Variants in PCDHGB4 observed in about 807,000 individuals in gnomAD.
PCDHGB4 encodes the protein protocadherin gamma subfamily B, 4.
In PCDHGB4, 38 loss-of-function variants were observed where a neutral mutation model predicts 60.5. The observed-to-expected ratio is 0.63, with a 90% CI of 0.48 to 0.82. The LOEUF (loss-of-function observed/expected upper bound fraction) is 0.82, where lower values mean the gene tolerates loss of function less well. Ranked by LOEUF, PCDHGB4 falls within the 40% of genes least tolerant of loss-of-function variation. The pLI is 0.00. For missense variants in PCDHGB4, 1,109 were observed against 1,209.6 expected (o/e 0.92, Z 1.23); for synonymous variants, 456 against 509.7 (o/e 0.89, Z 1.42).
intron 1 of PCDHGB4, chr5:141,478,676 G>A (rs540780497): frequency 6.4e-7 from 1 of 1,551,522 alleles, no homozygotes; most frequent in African/African-American, 1.4e-5. Flanking sequence ...CTTTCAACTG[G>A]CCCTTCCTAG....
chr5:141,485,805 T>C lies in PCDHGB4; in HGVS notation c.2398-9002T>C, dbSNP rs753916789. ...GAGAAGCAATCGGACTACCGCCTGG[T>C]GCTGACTGCTGTCGATGGAGGGAAC... On this transcript the variant is annotated intron_variant, in intron 1 of 3. Coordinates refer to ENST00000519479, the MANE Select transcript of PCDHGB4 (RefSeq NM_003736.4). The surrounding 1 kb of genome is among the most constrained non-coding windows in gnomAD (Gnocchi z 5.7). 1.2e-6 allele frequency: 2 copies of C among 1,614,198 alleles called. No individual in the cohort carries two copies. The highest frequency in any genetic ancestry group is 1.7e-6 in the Non-Finnish European group (2 of 1,180,026).
intron 1 of PCDHGB4, chr5:141,392,784 A>G: frequency 6.5e-7 from 1 of 1,546,632 alleles, no homozygotes. Context: ...CACAGTGAAG[A>G]TTCTGAGAGG....
chr5:141,496,621 C>A (rs1297797187), intron 2 of PCDHGB4, among the ~76,000 whole-genome samples: 1 of 152,214 alleles, frequency 6.6e-6, no homozygotes. Context: ...AGCAGCAGAT[C>A]AAAAGGCTTG....
Position 141,421,937 on chromosome 5 carries a change from A to G in PCDHGB4, c.2397+31656A>G, listed in dbSNP as rs375878901. The G allele has an allele frequency of 1.5e-5, 25 of 1,613,402 alleles. No homozygotes were observed. In the African/African-American group the frequency reaches 1.6e-4, roughly 10 times the overall value. ...ATTCGTGTGGTGGTCCTCGATGTAA[A>G]TGATCACATCCCAATGTTTACACAG... On this transcript the variant is annotated intron_variant, in intron 1 of 3. Coordinates refer to ENST00000519479, the MANE Select transcript of PCDHGB4 (RefSeq NM_003736.4).
intron 1 of PCDHGB4, chr5:141,418,077 T>C (rs770464447): frequency 6.8e-6 from 11 of 1,613,914 alleles, no homozygotes; most frequent in Non-Finnish European, 8.5e-6. Flanking sequence ...GCGGAGAAGC[T>C]GCACTTCAGC....
intron 1 of PCDHGB4, among the ~76,000 whole-genome samples, chr5:141,463,545 T>C (rs1433047951): frequency 6.8e-6 from 1 of 146,704 alleles, no homozygotes; most frequent in East Asian, 2.1e-4. Flanking sequence ...GGCTCCCGGG[T>C]TCATGCCATT....
intron 1 of PCDHGB4, chr5:141,403,027 G>C: frequency 1.2e-6 from 2 of 1,614,070 alleles, no homozygotes; most frequent in Non-Finnish European, 1.7e-6. Flanking sequence ...TGCTATGGGA[G>C]GCCAGGGCCA....
intron 1 of PCDHGB4, chr5:141,413,350 G>A: frequency 6.2e-7 from 1 of 1,613,974 alleles, no homozygotes; most frequent in Non-Finnish European, 8.5e-7. Context: ...CTTGGGTCTG[G>A]CGCCCCGGGA....
Position 141,431,535 on chromosome 5 carries a change from C to T in PCDHGB4, c.2397+41254C>T. On this transcript the variant is annotated intron_variant, in intron 1 of 3. Coordinates refer to ENST00000519479, the MANE Select transcript of PCDHGB4 (RefSeq NM_003736.4). This position sits in a 1 kb window ranked among gnomAD's most constrained non-coding sequence, Gnocchi z 4.8. ...GTTCCGGAGAATCTGGCCTTGGGCA[C>T]GCAGCTGCTTGTAGTCAACGCTACC... is the stretch of plus-strand genomic sequence containing the variant. 3 of 1,614,076 alleles carry T rather than the reference C, an allele frequency of 1.9e-6. No individual in the cohort carries two copies. Among genetic ancestry groups the T allele is most frequent in the Non-Finnish European group, 2.5e-6 (3 of 1,180,038 alleles).
chr5:141,481,207 C>T (rs1287298617), intron 1 of PCDHGB4, among the ~76,000 whole-genome samples: 3 of 152,154 alleles, frequency 2.0e-5, no homozygotes, highest in Non-Finnish European at 1.5e-5. Flanking sequence ...TTTTAAAAAA[C>T]ATGGTAAGGT....
At chr5:141,393,707 T>TG in intron 1 of PCDHGB4, 2 of 1,613,882 alleles carry the variant, frequency 1.2e-6, no homozygotes, top group South Asian at 2.2e-5. Context: ...ATGAAAATAC[T>TG]GGGGAAATAT....
chr5:141,499,689 C>CTTTTT (rs545067566), intron 2 of PCDHGB4, among the ~76,000 whole-genome samples: 5 of 119,848 alleles, frequency 4.2e-5, no homozygotes, highest in Admixed American at 8.7e-5. Context: ...TAACAGATGA[C>CTTTTT]TTTTTTTTTT....
intron 1 of PCDHGB4, chr5:141,428,284 G>A (rs762469333): frequency 4.2e-5 from 31 of 734,822 alleles, no homozygotes. Flanking sequence ...TGATTCCCAA[G>A]CAAAGCTGCA....
chr5:141,471,786 A>AT (rs531568169), intron 1 of PCDHGB4, among the ~76,000 whole-genome samples: 23 of 152,362 alleles, frequency 1.5e-4, no homozygotes, highest in African/African-American at 5.5e-4. Flanking sequence ...ACATTATGCT[A>AT]TGTCATATAA....
intron 1 of PCDHGB4, among the ~76,000 whole-genome samples, chr5:141,447,082 T>A (rs1259827606): frequency 6.6e-6 from 1 of 152,156 alleles, no homozygotes; most frequent in Non-Finnish European, 1.5e-5. Flanking sequence ...ATTTTTGTTG[T>A]TTAATTTTCT....
At chr5:141,436,829 G>C (rs1194891483) in intron 1 of PCDHGB4, among the ~76,000 whole-genome samples, 3 of 152,214 alleles carry the variant, frequency 2.0e-5, no homozygotes, top group African/African-American at 7.2e-5. Flanking sequence ...AAAATCTTAA[G>C]TGCCTAGGCA....
At chr5:141,403,688 A>G (rs1385402830) in intron 1 of PCDHGB4, 1 of 1,613,836 alleles carries the variant, frequency 6.2e-7, no homozygotes, top group Non-Finnish European at 8.5e-7. Flanking sequence ...TGCTCAACGG[A>G]TTTACCGAGT....
At chr5:141,421,305 G>A in intron 1 of PCDHGB4, 23 of 1,613,652 alleles carry the variant, frequency 1.4e-5, no homozygotes, top group Non-Finnish European at 1.9e-5. Context: ...CGCTGCGGGG[G>A]TTCCGGGCCA....
At position 141,415,520 on chromosome 5, in the gene PCDHGB4, C is replaced by A. The variant is rs200535016; in HGVS notation, c.2397+25239C>A. The A allele has an allele frequency of 1.8e-4, 288 of 1,614,072 alleles. 3 individuals carry two copies. The highest frequency in any genetic ancestry group is 6.7e-5 in the Non-Finnish European group (79 of 1,180,044). On this transcript the variant is annotated intron_variant, in intron 1 of 3. Coordinates refer to ENST00000519479, the MANE Select transcript of PCDHGB4 (RefSeq NM_003736.4). Reference sequence around the variant, plus strand: ...TTCCCCCAGCCCAATTATGCGGACACGCTCATCAGCCAGGAGAGCTGTGAG... The same window carrying A: ...TTCCCCCAGCCCAATTATGCGGACAAGCTCATCAGCCAGGAGAGCTGTGAG...
Sources: allele counts gnomAD v4.1 joint callset (sites outside exome capture counted in the v4.1 genomes callset), GRCh38; gene constraint gnomAD v4.1.1; non-coding constraint Gnocchi (gnomAD v3.1); transcripts MANE v1.5; gene names NCBI Gene and HGNC (gene_info 2026-07-23, HGNC 2026-07-21).